The following PTPRK variants were observed in gnomAD, a reference collection of about 807,000 sequenced individuals.
PTPRK encodes the protein protein tyrosine phosphatase receptor type K.
A neutral mutation model predicts 178.0 loss-of-function variants in PTPRK; 75 were observed. The observed-to-expected ratio is 0.42, with a 90% CI of 0.35 to 0.51. The LOEUF is 0.51. Ranked by LOEUF, PTPRK falls within the 20% of genes least tolerant of loss-of-function variation. PTPRK has a pLI of 0.02. For missense variants in PTPRK, 1,441 were observed against 1,797.8 expected (o/e 0.80, Z 3.59); for synonymous variants, 637 against 620.6 (o/e 1.03, Z -0.39).
intron 1 of PTPRK, among the ~76,000 whole-genome samples, chr6:128,456,422 T>C (rs531974425): frequency 2.0e-5 from 3 of 152,040 alleles, no homozygotes; most frequent in Admixed American, 2.0e-4. Context: ...AGGAATCAAA[T>C]GTAATTGTTT....
intron 1 of PTPRK, among the ~76,000 whole-genome samples, chr6:128,449,853 T>C (rs1251286100): frequency 1.3e-5 from 2 of 150,688 alleles, no homozygotes; most frequent in South Asian, 4.2e-4. Context: ...TCCAGCACTT[T>C]GGGAGGGCGA....
intron 1 of PTPRK, among the ~76,000 whole-genome samples, chr6:128,502,838 C>A (rs917004001): frequency 2.0e-5 from 3 of 152,260 alleles, no homozygotes; most frequent in Admixed American, 6.5e-5. Flanking sequence ...TGTTACTATG[C>A]ATCTCTTCCT....
At chr6:128,447,724 A>G (rs112165933) in intron 1 of PTPRK, among the ~76,000 whole-genome samples, 2,514 of 151,922 alleles carry the variant, frequency 0.017, 28 homozygotes, top group Non-Finnish European at 0.027. Flanking sequence ...TACCAGGTTC[A>G]AGCAATTCTC....
intron 1 of PTPRK, among the ~76,000 whole-genome samples, chr6:128,472,018 G>C (rs1228376195): frequency 1.3e-5 from 2 of 151,920 alleles, no homozygotes; most frequent in Non-Finnish European, 2.9e-5. Context: ...AAAGAGAGGG[G>C]GGAAAGAAGA....
chr6:128,166,236 T>C (rs1258206829), intron 7 of PTPRK, among the ~76,000 whole-genome samples: 1 of 151,646 alleles, frequency 6.6e-6, no homozygotes, highest in East Asian at 1.9e-4. Context: ...CCAAGCATAA[T>C]CCCAACAGAA....
intron 13 of PTPRK, among the ~76,000 whole-genome samples, chr6:128,047,602 G>A (rs1476999256): frequency 6.6e-6 from 1 of 152,024 alleles, no homozygotes; most frequent in African/African-American, 2.4e-5. Flanking sequence ...TGGTATTTTA[G>A]ACTGACACCA....
intron 6 of PTPRK, among the ~76,000 whole-genome samples, chr6:128,207,280 C>A (rs762402633): frequency 3.3e-5 from 5 of 152,144 alleles, no homozygotes; most frequent in Non-Finnish European, 7.3e-5. Context: ...CAGCTAAGTA[C>A]CCTCTCCCCG....
At position 128,294,462 on chromosome 6, in the gene PTPRK, T is replaced by TTCTTTA. The variant is rs572574795; in HGVS notation, c.495+27571_495+27576dup. On this transcript the variant is annotated intron_variant, in intron 3 of 29. Transcript: ENST00000368226. Reference sequence around the variant, plus strand: ...TGTTACTTGAATTACCAAGCTGGTCTTCTTTAGAGTCCTCTTGGGTTTCAC... The same window carrying TTCTTTA: ...TGTTACTTGAATTACCAAGCTGGTCTTCTTTATCTTTAGAGTCCTCTTGGGTTTCAC... 2.1e-4 allele frequency among the ~76,000 whole-genome samples: 32 copies of TTCTTTA among 152,228 alleles called. No individual in the cohort carries two copies. In the South Asian group the frequency reaches 6.4e-3, roughly 31 times the overall value.
intron 3 of PTPRK, among the ~76,000 whole-genome samples, chr6:128,263,909 C>T (rs771143521): frequency 2.1e-4 from 32 of 152,256 alleles, no homozygotes; most frequent in Admixed American, 6.5e-4. Context: ...GAGACCACCA[C>T]CGTTGGAAAG....
intron 7 of PTPRK, among the ~76,000 whole-genome samples, chr6:128,125,180 T>C (rs1005659130): frequency 2.0e-5 from 3 of 152,212 alleles, no homozygotes; most frequent in African/African-American, 7.2e-5. Context: ...CTTGGTGATA[T>C]AGCTTGAATC....
intron 8 of PTPRK, among the ~76,000 whole-genome samples, chr6:128,086,322 C>T (rs1037122317): frequency 6.6e-6 from 1 of 152,078 alleles, no homozygotes; most frequent in Non-Finnish European, 1.5e-5. Flanking sequence ...AATATGTCCC[C>T]AAACCAGGCT....
intron 17 of PTPRK, 112 bp from the exon 18 acceptor site, chr6:127,995,650 T>C (rs1777069081): frequency 1.7e-6 from 1 of 603,480 alleles, no homozygotes; most frequent in Non-Finnish European, 2.9e-6. Context: ...ATCCATAGTA[T>C]ACTACTACCA....
intron 6 of PTPRK, among the ~76,000 whole-genome samples, chr6:128,204,129 C>T (rs1437831862): frequency 6.6e-6 from 1 of 152,130 alleles, no homozygotes; most frequent in Non-Finnish European, 1.5e-5. Flanking sequence ...TATCCACCTA[C>T]AACCATCTGA....
chr6:128,292,813 T>A (rs944274633), intron 3 of PTPRK, among the ~76,000 whole-genome samples: 1 of 152,114 alleles, frequency 6.6e-6, no homozygotes, highest in Non-Finnish European at 1.5e-5. Flanking sequence ...TTATAATTAT[T>A]TTCACCCCAT....
chr6:127,982,006 T>C (rs1024988379), intron 24 of PTPRK, among the ~76,000 whole-genome samples: 3 of 151,340 alleles, frequency 2.0e-5, no homozygotes, highest in Non-Finnish European at 4.4e-5. Flanking sequence ...CACCCGGCTA[T>C]TTTTTATATT....
At chr6:128,229,094 A>AAATTACTAGAT (rs1263909702) in intron 5 of PTPRK, among the ~76,000 whole-genome samples, 1 of 152,122 alleles carries the variant, frequency 6.6e-6, no homozygotes, top group African/African-American at 2.4e-5. Context: ...CTGACGTACA[A>AAATTACTAGAT]AATTACTAGA....
intron 7 of PTPRK, among the ~76,000 whole-genome samples, chr6:128,102,112 T>G (rs1788892307): frequency 6.6e-6 from 1 of 152,190 alleles, no homozygotes; most frequent in African/African-American, 2.4e-5. Flanking sequence ...GCTCAATAAA[T>G]GTTAAAACAA....
At chr6:128,299,030 T>C (rs1278997417) in intron 3 of PTPRK, among the ~76,000 whole-genome samples, 3 of 152,196 alleles carry the variant, frequency 2.0e-5, no homozygotes, top group Non-Finnish European at 4.4e-5. Flanking sequence ...AGTCTCAGGA[T>C]ACAAAATCAA....
intron 1 of PTPRK, among the ~76,000 whole-genome samples, chr6:128,477,598 C>T (rs558681140): frequency 6.6e-6 from 1 of 152,176 alleles, no homozygotes; most frequent in South Asian, 2.1e-4. Flanking sequence ...AAATTAAATT[C>T]TAAAAGCTAA....
Sources: allele counts gnomAD v4.1 joint callset (sites outside exome capture counted in the v4.1 genomes callset), GRCh38; gene constraint gnomAD v4.1.1; transcripts MANE v1.5; gene names NCBI Gene and HGNC (gene_info 2026-07-23, HGNC 2026-07-21).